LZTR1: variants seen among roughly 807,000 people sequenced by gnomAD.
LZTR1 encodes leucine-zipper-like transcriptional regulator 1.
A neutral mutation model predicts 105.7 loss-of-function variants in LZTR1; 260 were observed. That is an observed-to-expected ratio of 2.46 (90% CI 2.22 to 2.72). The LOEUF is 2.72. Among genes scored for constraint, LZTR1 ranks in the 30% most tolerant of loss-of-function variants. The pLI is 0.00. For synonymous variants in LZTR1, 490 were observed against 476.4 expected (o/e 1.03, Z -0.37); for missense variants, 1,214 against 1,166.9 (o/e 1.04, Z -0.59).
intron 20 of LZTR1, 72 bp from the exon 21 acceptor site, chr22:20,997,160 C>G (rs1424878063): frequency 1.7e-6 from 2 of 1,196,672 alleles, no homozygotes; most frequent in Non-Finnish European, 2.5e-6. Context: ...GTAGGCCCCA[C>G]AGGGCTCCAC....
Position 20,994,122 on chromosome 22 carries a change from G to GC in LZTR1, c.1472dup (p.Val492SerfsTer177), listed in dbSNP as rs775362512. On this transcript the variant is annotated frameshift_variant, in exon 14 of 21. Coordinates refer to ENST00000646124, the MANE Select transcript of LZTR1 (RefSeq NM_006767.4). LOFTEE classifies it high-confidence loss of function. ...CCCACAGAAGCTGGAGCAGGAGGCC[G>GC]CCCCAGTTCCCAGGGAGGCCCCCGG... 2 of 1,582,192 alleles carry GC rather than the reference G, an allele frequency of 1.3e-6. No homozygotes were observed. Among genetic ancestry groups the GC allele is most frequent in the Admixed American group, 1.8e-5 (1 of 56,330 alleles).
intron 10 of LZTR1, 123 bp downstream of exon 10, chr22:20,992,492 G>T (rs1020519693): frequency 1.0e-5 from 12 of 1,166,306 alleles, no homozygotes; most frequent in East Asian, 5.1e-5. Flanking sequence ...CACCACAAAG[G>T]GGGTACAGGG....
At position 20,986,076 on chromosome 22, in the gene LZTR1, A is replaced by G. The variant is rs1924369829; in HGVS notation, c.320+179A>G. 9.3e-6 allele frequency: 6 copies of G among 647,290 alleles called. No individual in the cohort carries two copies. In the South Asian group the frequency reaches 1.1e-4, roughly 12 times the overall value. 40.1% of individuals were successfully genotyped at this position (647,290 alleles called of 1,614,324 possible). ...AGAGCCGCCCTGTCAGGCTGAGGAG[A>G]TCAAGTAACCACCCCGCACCTGCAG... On this transcript the variant is annotated intron_variant, in intron 3 of 20. Coordinates refer to ENST00000646124, the MANE Select transcript of LZTR1 (RefSeq NM_006767.4).
intron 5 of LZTR1, 27 bp from the exon 6 acceptor site, chr22:20,988,762 T>C: frequency 6.3e-7 from 1 of 1,589,482 alleles, no homozygotes; most frequent in African/African-American, 1.3e-5. Context: ...GCGGCCTCAC[T>C]CCCTCCCCTC....
rs1043262128 is a variant in LZTR1 at position 20,995,101 on chromosome 22, G to A, written c.1942+75G>A. ...TCTGCGGTAGGAGATTGGGAGCCAT[G>A]GAGAGCACCTGCCAGGCCCTCGGGG... On this transcript the variant is annotated intron_variant, in intron 16 of 20. Coordinates refer to ENST00000646124, the MANE Select transcript of LZTR1 (RefSeq NM_006767.4). The A allele has an allele frequency of 2.0e-6, 3 of 1,513,490 alleles. No homozygotes were observed. In the South Asian group the frequency reaches 3.7e-5, roughly 19 times the overall value. 93.8% of individuals were successfully genotyped at this position (1,513,490 alleles called of 1,614,324 possible). A position where few individuals can be genotyped will look rare whatever the true frequency, so the allele number is the denominator to read the frequency against.
At chr22:20,994,813 G>A (rs1010636501) in intron 15 of LZTR1, 57 bp from the exon 16 acceptor site, 27 of 1,609,456 alleles carry the variant, frequency 1.7e-5, no homozygotes, top group East Asian at 8.9e-5. Context: ...TGAGCCCCTC[G>A]CCCAGCCTGG....
intron 8 of LZTR1, chr22:20,990,742 C>A: frequency 1.9e-6 from 1 of 539,520 alleles, no homozygotes; most frequent in Non-Finnish European, 3.3e-6. Context: ...GGCGAGGAGG[C>A]CCCTGGCTAG....
chr22:20,993,466 C>T (rs1601720619), intron 11 of LZTR1, 196 bp from the exon 12 acceptor site: 1 of 597,802 alleles, frequency 1.7e-6, no homozygotes, highest in East Asian at 2.8e-5. Flanking sequence ...TGGACAGTTG[C>T]AGGTGCTGAG....
At position 20,996,901 on chromosome 22, in the gene LZTR1, G is replaced by A. The variant is rs1319833160; in HGVS notation, c.2341G>A (p.Asp781Asn). ...GCCATTGCAGATCCTGGAGGCAGCT[G>A]ACAAAACGCAGGCACTGGACATGAA... is the stretch of plus-strand genomic sequence containing the variant. Reference protein sequence around the residue: ...QNVLQILEAADKTQALDMKRH... With the variant: ...QNVLQILEAANKTQALDMKRH... Residue 781 changes from aspartate (D) to asparagine (N), a missense_variant, in exon 20 of 21, where the codon GAC (aspartate) becomes AAC (asparagine). Transcript: ENST00000646124. The A allele has an allele frequency of 1.2e-6, 2 of 1,612,280 alleles. No individual in the cohort carries two copies. Among genetic ancestry groups the A allele is most frequent in the Non-Finnish European group, 1.7e-6 (2 of 1,178,894 alleles).
chr22:20,987,434 G>T, intron 3 of LZTR1, 70 bp from the exon 4 acceptor site: 1 of 849,380 alleles, frequency 1.2e-6, no homozygotes, highest in South Asian at 1.4e-5. Context: ...GGGATGCAGG[G>T]CCACCCTGTG....
intron 20 of LZTR1, 97 bp downstream of exon 20, chr22:20,997,063 GT>G (rs1924884658): frequency 7.5e-7 from 1 of 1,328,718 alleles, no homozygotes; most frequent in Non-Finnish European, 1.1e-6. Context: ...CCCTGCAGTG[GT>G]GGGCCCTGGG....
chr22:20,983,720 C>T (rs1303039167), intron 2 of LZTR1, among the ~76,000 whole-genome samples: 1 of 152,156 alleles, frequency 6.6e-6, no homozygotes, highest in Non-Finnish European at 1.5e-5. Context: ...TGTAGGCCTC[C>T]TTGGGGGGCG....
Position 20,991,738 on chromosome 22 carries a change from G to A in LZTR1, c.902G>A (p.Gly301Asp), listed in dbSNP as rs139823732. The change falls in exon 9 of 21, where the codon GGT (glycine) becomes GAT (aspartate). Residue 301 changes from glycine (G) to aspartate (D), a missense_variant. Coordinates refer to ENST00000646124, the MANE Select transcript of LZTR1 (RefSeq NM_006767.4). ...GACCGCCACCTCTATGTGTTTGGGG[G>A]TGCGGCCGACAACACGCTGCCCAAC... ...AFDRHLYVFG[G>D]AADNTLPNEL... 1 of 1,574,358 alleles carries A rather than the reference G, an allele frequency of 6.4e-7. No individual in the cohort carries two copies. The highest frequency in any genetic ancestry group is 8.6e-7 in the Non-Finnish European group (1 of 1,160,028).
intron 11 of LZTR1, chr22:20,993,334 G>A (rs1924673058): frequency 6.2e-6 from 3 of 483,930 alleles, no homozygotes; most frequent in African/African-American, 1.9e-5. Context: ...GGATGTGCTG[G>A]TGGGGGCCAG....
chr22:20,990,235 G>A (rs1924552329), intron 7 of LZTR1, 151 bp from the exon 8 acceptor site: 2 of 868,910 alleles, frequency 2.3e-6, no homozygotes, highest in Non-Finnish European at 3.7e-6. Flanking sequence ...GATGAGACAG[G>A]GCTATGAGCT....
rs371599187 is a variant in LZTR1 at position 20,997,357 on chromosome 22, G to A, written c.*9G>A. 1.1e-4 allele frequency: 175 copies of A among 1,595,566 alleles called. No individual in the cohort carries two copies. Among genetic ancestry groups the A allele is most frequent in the Non-Finnish European group, 1.3e-4 (157 of 1,163,798 alleles). On this transcript the variant is annotated 3_prime_UTR_variant, in exon 21 of 21. Coordinates refer to ENST00000646124, the MANE Select transcript of LZTR1 (RefSeq NM_006767.4). ...TGGGCGCCGACATCTGAGGCCCTGTGGCGCCTGCCCATTGTGAAGAATCGC... is the reference window on the plus strand; with the variant it reads ...TGGGCGCCGACATCTGAGGCCCTGTAGCGCCTGCCCATTGTGAAGAATCGC...
At chr22:20,987,264 G>T (rs1924420590) in intron 3 of LZTR1, 2 of 443,352 alleles carry the variant, frequency 4.5e-6, no homozygotes, top group Non-Finnish European at 8.0e-6. Context: ...CATGATGGTG[G>T]GTGCCTGTAA....
chr22:20,994,069 C>T (rs1232047911), intron 13 of LZTR1, 35 bp from the exon 14 acceptor site: 2 of 1,581,790 alleles, frequency 1.3e-6, no homozygotes, highest in Admixed American at 1.8e-5. Flanking sequence ...GCCTGGTGTC[C>T]ACTGGGGTGT....
In LZTR1 at chr22:20,993,506, G is replaced by A. The variant is rs139164182; in HGVS notation, c.1261-156G>A. The stretch of plus-strand genomic sequence containing the variant: ...GAGCCAGGCTGTATTTTCAGGGTGG[G>A]GTAGCGGCTGCTTCCTCTCCTCAGC... On this transcript the variant is annotated intron_variant, in intron 11 of 20. Transcript: ENST00000646124. 7.9e-5 allele frequency: 49 copies of A among 621,386 alleles called. No homozygotes were observed. The East Asian group carries it at 1.3e-3, about 16-fold the overall frequency. The allele number at this position is 621,386 out of a possible 1,614,324, so 38.5% of individuals were successfully genotyped here.
Sources: gnomAD v4.1 joint callset for allele counts (sites outside exome capture counted in the v4.1 genomes callset) on GRCh38, gnomAD v4.1.1 for gene constraint, MANE v1.5 for transcripts, NCBI Gene and HGNC (gene_info 2026-07-23, HGNC 2026-07-21) for gene names.